The following ANO2 variants were observed in gnomAD, a reference collection of about 807,000 sequenced individuals.
ANO2 encodes anoctamin 2, also known as anoctamin-2.
ANO2 carries 101 observed loss-of-function variants against 124.2 expected under a neutral mutation model. The ratio of observed to expected loss-of-function variants is 0.81; its 90% CI spans 0.69 to 0.96. The LOEUF (loss-of-function observed/expected upper bound fraction) is 0.96, where lower values mean the gene tolerates loss of function less well. Ranked by LOEUF, ANO2 falls within the 40% of genes least tolerant of loss-of-function variation. The pLI is 0.00. For missense variants in ANO2, 1,293 were observed against 1,274.5 expected, an observed-to-expected ratio of 1.01 and a Z score of -0.22; for synonymous variants, 486 against 482.5, an observed-to-expected ratio of 1.01 and a Z score of -0.09.
At chr12:5,659,346 G>A (rs972387450) in intron 14 of ANO2, among the ~76,000 whole-genome samples, 3 of 152,110 alleles carry the variant, frequency 2.0e-5, no homozygotes, top group African/African-American at 7.2e-5. Flanking sequence ...TCACCATAAT[G>A]TCAGCCTGCA....
intron 20 of ANO2, among the ~76,000 whole-genome samples, chr12:5,589,586 C>T (rs1390300361): frequency 2.0e-5 from 3 of 151,952 alleles, no homozygotes; most frequent in South Asian, 2.1e-4. Context: ...TATGCCCTGG[C>T]GGGGGGGTGC....
At chr12:5,857,002 C>G (rs968439414) in intron 3 of ANO2, among the ~76,000 whole-genome samples, 1 of 152,104 alleles carries the variant, frequency 6.6e-6, no homozygotes, top group Non-Finnish European at 1.5e-5. Flanking sequence ...AATATTGTTA[C>G]CTTCTCATAA....
chr12:5,617,069 TACACCGTACCGCACTCTCCAGATC>T (rs1391336507), intron 16 of ANO2, among the ~76,000 whole-genome samples: 2 of 144,212 alleles, frequency 1.4e-5, no homozygotes, highest in Non-Finnish European at 3.0e-5. Context: ...TTCTCCAGAT[TACACCGTACCGCACTCTCCAGATC>T]ACACTGTACC....
intron 23 of ANO2, among the ~76,000 whole-genome samples, chr12:5,570,459 T>TA (rs11376409): frequency 0.42 from 61,977 of 148,034 alleles, 13,145 homozygotes; most frequent in Middle Eastern, 0.49. Flanking sequence ...ACCTGAAGTT[T>TA]AAAAAAAAAA....
intron 14 of ANO2, among the ~76,000 whole-genome samples, chr12:5,669,218 G>A (rs1947874294): frequency 1.3e-5 from 2 of 152,058 alleles, no homozygotes; most frequent in South Asian, 4.2e-4. Flanking sequence ...ATTCCCTTGA[G>A]CAATGGTTTG....
chr12:5,695,474 A>G (rs935012628), intron 14 of ANO2, among the ~76,000 whole-genome samples: 2 of 152,218 alleles, frequency 1.3e-5, no homozygotes, highest in East Asian at 3.8e-4. Flanking sequence ...ACAAAATGCA[A>G]GTAAATTAGA....
At chr12:5,731,975 A>G (rs747407681) in intron 14 of ANO2, among the ~76,000 whole-genome samples, 2 of 152,218 alleles carry the variant, frequency 1.3e-5, no homozygotes, top group Non-Finnish European at 2.9e-5. Flanking sequence ...TTAGAGGCAC[A>G]GACTAATAGA....
At chr12:5,827,306 G>A (rs1311095870) in intron 7 of ANO2, among the ~76,000 whole-genome samples, 1 of 152,174 alleles carries the variant, frequency 6.6e-6, no homozygotes, top group African/African-American at 2.4e-5. Flanking sequence ...GGCTCACTCA[G>A]ACTCAGCTAT....
At chr12:5,583,479 C>T (rs1942880177) in intron 20 of ANO2, among the ~76,000 whole-genome samples, 1 of 151,574 alleles carries the variant, frequency 6.6e-6, no homozygotes, top group East Asian at 1.9e-4. Flanking sequence ...CGGTGAAACC[C>T]CGTCTCTACT....
Position 5,787,850 on chromosome 12 carries a change from C to T in ANO2, c.1055+11657G>A, listed in dbSNP as rs1952582283. Among the ~76,000 whole-genome samples, 1 of 152,198 alleles carries T rather than the reference C, an allele frequency of 6.6e-6. No homozygotes were observed. The highest frequency in any genetic ancestry group is 1.5e-5 in the Non-Finnish European group (1 of 68,044). On this transcript the variant is annotated intron_variant, in intron 10 of 24. Transcript: ENST00000682330. This position sits in a 1 kb window ranked among gnomAD's most constrained non-coding sequence, Gnocchi z 4.2. The stretch of plus-strand genomic sequence containing the variant: ...ACTTCCGGTTAACTATGCACTGTCT[C>T]CCCTGCTAGGTCATAAGCTCTGTGA...
At chr12:5,687,796 T>C (rs1297136554) in intron 14 of ANO2, among the ~76,000 whole-genome samples, 9 of 152,184 alleles carry the variant, frequency 5.9e-5, no homozygotes, top group Admixed American at 5.2e-4. Flanking sequence ...CTGTTCAGTA[T>C]GTGGGGGAAC....
At chr12:5,732,974 A>G (rs1209741982) in intron 13 of ANO2, 1 of 1,398,546 alleles carries the variant, frequency 7.2e-7, no homozygotes, top group Non-Finnish European at 1.0e-6. Flanking sequence ...GTTTCACCAG[A>G]GGCAGAGGGA....
chr12:5,787,846 GT>G lies in ANO2; in HGVS notation c.1055+11660del, dbSNP rs1952582197. Reference sequence around the variant, plus strand: ...TCACACTTCCGGTTAACTATGCACTGTCTCCCCTGCTAGGTCATAAGCTCTG... The same window carrying G: ...TCACACTTCCGGTTAACTATGCACTGCTCCCCTGCTAGGTCATAAGCTCTG... On this transcript the variant is annotated intron_variant, in intron 10 of 24. Coordinates refer to ENST00000682330, the MANE Select transcript of ANO2 (RefSeq NM_001364791.2). This position sits in a 1 kb window ranked among gnomAD's most constrained non-coding sequence, Gnocchi z 4.2. Among the ~76,000 whole-genome samples the G allele has an allele frequency of 6.6e-6, 1 of 152,112 alleles. No homozygotes were observed. Among genetic ancestry groups the G allele is most frequent in the Admixed American group, 6.5e-5 (1 of 15,272 alleles).
intron 20 of ANO2, among the ~76,000 whole-genome samples, chr12:5,586,743 C>G (rs754911779): frequency 8.5e-5 from 13 of 152,164 alleles, no homozygotes; most frequent in Non-Finnish European, 1.8e-4. Context: ...GTACCAGAGC[C>G]CGTCATTTTC....
At chr12:5,715,567 CACAT>C (rs778907058) in intron 14 of ANO2, among the ~76,000 whole-genome samples, 1 of 152,168 alleles carries the variant, frequency 6.6e-6, no homozygotes, top group Non-Finnish European at 1.5e-5. Context: ...CTCTCAGTGA[CACAT>C]GCAAGAAGAG....
chr12:5,675,669 A>G (rs1948208989), intron 14 of ANO2, among the ~76,000 whole-genome samples: 1 of 152,208 alleles, frequency 6.6e-6, no homozygotes. Flanking sequence ...AGGTTGGGAT[A>G]CAGGATAACT....
intron 1 of ANO2, among the ~76,000 whole-genome samples, chr12:5,930,518 G>T (rs891430091): frequency 4.1e-4 from 62 of 152,208 alleles, no homozygotes; most frequent in African/African-American, 1.4e-3. Flanking sequence ...TTCATCCTAA[G>T]AAGAGTAGGC....
chr12:5,566,722 C>T (rs572083916), intron 23 of ANO2, among the ~76,000 whole-genome samples: 2 of 152,302 alleles, frequency 1.3e-5, no homozygotes, highest in African/African-American at 4.8e-5. Context: ...GGCATTGTTA[C>T]CCCAGCATAA....
intron 7 of ANO2, among the ~76,000 whole-genome samples, chr12:5,808,931 G>C (rs763343166): frequency 5.3e-5 from 8 of 152,264 alleles, no homozygotes; most frequent in Admixed American, 5.2e-4. Flanking sequence ...CAGGCCCCAC[G>C]TGGGAGCAGA....
Sources: gnomAD v4.1 joint callset for allele counts (sites outside exome capture counted in the v4.1 genomes callset) on GRCh38, gnomAD v4.1.1 for gene constraint, Gnocchi (gnomAD v3.1) non-coding constraint, MANE v1.5 for transcripts, NCBI Gene and HGNC (gene_info 2026-07-23, HGNC 2026-07-21) for gene names.